The following RPN1 variants were observed in gnomAD, a reference collection of about 807,000 sequenced individuals.
RPN1 encodes the protein ribophorin I.
In RPN1, 12 loss-of-function variants were observed where a neutral mutation model predicts 55.5. That is an observed-to-expected ratio of 0.22 (90% CI 0.14 to 0.35). The LOEUF (loss-of-function observed/expected upper bound fraction) is 0.35. Ranked by LOEUF, RPN1 falls within the 10% of genes least tolerant of loss-of-function variation. RPN1 has a pLI of 1.00. For missense variants in RPN1, 679 were observed against 761.3 expected (o/e 0.89, Z 1.27); for synonymous variants, 317 against 305.9 (o/e 1.04, Z -0.38).
intron 1 of RPN1, among the ~76,000 whole-genome samples, chr3:128,648,916 G>A (rs2107723629): frequency 6.6e-6 from 1 of 152,280 alleles, no homozygotes; most frequent in East Asian, 1.9e-4. Context: ...GCATGTAAGG[G>A]GCTAAATAAC....
In RPN1 at chr3:128,622,617, G is replaced by A. The variant is rs116809459; in HGVS notation, c.1396-208C>T. On this transcript the variant is annotated intron_variant, in intron 8 of 9. Coordinates refer to ENST00000296255, the MANE Select transcript of RPN1 (RefSeq NM_002950.4). ...GGCCATAAAGATGAGCAGACCAGCC[G>A]GGCCTGGTGGCTCACGCCTGTAATC... Among the ~76,000 whole-genome samples the A allele has an allele frequency of 4.7e-3, 716 of 152,218 alleles. 7 individuals are homozygous for A. Among genetic ancestry groups the A allele is most frequent in the African/African-American group, 0.017 (692 of 41,550 alleles).
At chr3:128,638,419 T>C (rs1280093899) in intron 2 of RPN1, among the ~76,000 whole-genome samples, 1 of 152,234 alleles carries the variant, frequency 6.6e-6, no homozygotes, top group Non-Finnish European at 1.5e-5. Context: ...TGTTTTACAC[T>C]CTTGCTATTT....
Position 128,625,933 on chromosome 3 carries a change from G to C in RPN1, c.1216C>G (p.Arg406Gly). 1 of 1,613,876 alleles carries C rather than the reference G, an allele frequency of 6.2e-7. No individual in the cohort carries two copies. The highest frequency in any genetic ancestry group is 8.5e-7 in the Non-Finnish European group (1 of 1,179,858). The change falls in exon 7 of 10, where the codon CGC becomes GGC. Residue 406 changes from arginine to glycine, a missense_variant. Physicochemically the swap from Arg to Gly is moderately radical, Grantham distance 125 (BLOSUM62 -2). Around this residue, in one of 3 missense-constraint regions of RPN1, gnomAD observed 306 missense variants for 360.0 expected, o/e 0.85. Transcript: ENST00000296255. ...TTCTTGTAGGCAACAATCACAGGGC[G>C]GCCAAATGTGTCCAGATAGGTGTAG... is the stretch of plus-strand genomic sequence containing the variant. ...LHYTYLDTFGRPVIVAYKKNL... is the reference protein window; with the variant it reads ...LHYTYLDTFGGPVIVAYKKNL...
chr3:128,625,213 A>AC (rs1451101244), intron 8 of RPN1, among the ~76,000 whole-genome samples: 1 of 152,036 alleles, frequency 6.6e-6, no homozygotes, highest in Non-Finnish European at 1.5e-5. Flanking sequence ...CTAAGAGGGG[A>AC]CTTCCACCTC....
intron 3 of RPN1, 90 bp downstream of exon 3, chr3:128,637,709 C>T: frequency 1.5e-6 from 2 of 1,363,896 alleles, no homozygotes; most frequent in East Asian, 2.3e-5. Context: ...TTTCATCCAC[C>T]CCACACCACC....
chr3:128,626,113 C>G, intron 6 of RPN1, 101 bp from the exon 7 acceptor site: 1 of 1,183,336 alleles, frequency 8.5e-7, no homozygotes, highest in Admixed American at 2.3e-5. Context: ...TTCAAGATCA[C>G]TAAATTCACA....
intron 6 of RPN1, among the ~76,000 whole-genome samples, chr3:128,626,374 C>T (rs1156998998): frequency 1.3e-5 from 2 of 152,196 alleles, no homozygotes; most frequent in Non-Finnish European, 2.9e-5. Flanking sequence ...ACGAGCTGTT[C>T]TGAATGTTCT....
At chr3:128,630,663 G>A (rs906760674) in intron 4 of RPN1, among the ~76,000 whole-genome samples, 3 of 151,850 alleles carry the variant, frequency 2.0e-5, no homozygotes, top group Non-Finnish European at 4.4e-5. Context: ...TTCATTTATG[G>A]GACAAAAAAG....
At position 128,637,977 on chromosome 3, in the gene RPN1, T is replaced by C; in HGVS notation, c.455A>G (p.Gln152Arg). The change falls in exon 3 of 10, where the codon CAG becomes CGG. Residue 152 changes from glutamine to arginine, a missense_variant. This residue lies in a region of RPN1 where 352 missense variants were observed against 352.8 expected (regional missense o/e 1.00). Transcript: ENST00000296255. Reference sequence around the variant, plus strand: ...ATGGTTCCCCTCAAACACCACAAACTGTTTCTCTGACTGGGTGATCTGGGT... The same window carrying C: ...ATGGTTCCCCTCAAACACCACAAACCGTTTCTCTGACTGGGTGATCTGGGT... Reference protein sequence around the residue: ...YPTQITQSEKQFVVFEGNHYF... With the variant: ...YPTQITQSEKRFVVFEGNHYF... The C allele has an allele frequency of 6.2e-7, 1 of 1,614,192 alleles. No homozygotes were observed.
chr3:128,620,961 A>G (rs529269288), intron 9 of RPN1, among the ~76,000 whole-genome samples: 2 of 152,302 alleles, frequency 1.3e-5, no homozygotes, highest in African/African-American at 2.4e-5. Context: ...CAGCTTGTCA[A>G]ATCAGTTCCA....
chr3:128,620,224 AAAAAG>A lies in RPN1; in HGVS notation c.*182_*186del. ...AAGTTTTCTTTTTTTAAAAAAAAAA[AAAAAG>A]AAAGTTAAGGACAAACGGCAAACTC... On this transcript the variant is annotated 3_prime_UTR_variant, in exon 10 of 10. Transcript: ENST00000296255. 7.4e-6 allele frequency: 3 copies of A among 405,540 alleles called. No individual in the cohort carries two copies. The highest frequency in any genetic ancestry group is 1.3e-5 in the Non-Finnish European group (3 of 233,836). The allele number at this position is 405,540 out of a possible 1,614,324, so 25.1% of individuals were successfully genotyped here.
rs774175510 is a variant in RPN1 at position 128,625,680 on chromosome 3, A to G, written c.1276-27T>C. 4 of 1,613,498 alleles carry G rather than the reference A, an allele frequency of 2.5e-6. No homozygotes were observed. In the Admixed American group the frequency reaches 6.7e-5, roughly 27 times the overall value. ...TGGGAGAAGCAAGAGGACAGGCTTCATCGGGGCTGTAGGGACATGGGAGCC... is the reference window on the plus strand; with the variant it reads ...TGGGAGAAGCAAGAGGACAGGCTTCGTCGGGGCTGTAGGGACATGGGAGCC... On this transcript the variant is annotated intron_variant, in intron 7 of 9. Coordinates refer to ENST00000296255, the MANE Select transcript of RPN1 (RefSeq NM_002950.4).
chr3:128,624,646 G>A (rs1419079474), intron 8 of RPN1, among the ~76,000 whole-genome samples: 2 of 151,990 alleles, frequency 1.3e-5, no homozygotes, highest in African/African-American at 4.8e-5. Flanking sequence ...TTCTTTGCCT[G>A]TCACCTCCTC....
chr3:128,628,218 A>G (rs1215603028), intron 5 of RPN1, among the ~76,000 whole-genome samples: 1 of 151,404 alleles, frequency 6.6e-6, no homozygotes, highest in African/African-American at 2.4e-5. Context: ...GATCGCGCCA[A>G]TGCACTCCAG....
chr3:128,626,049 AACT>A, intron 6 of RPN1, 37 bp from the exon 7 acceptor site: 1 of 1,558,406 alleles, frequency 6.4e-7, no homozygotes, highest in Non-Finnish European at 8.7e-7. Context: ...GCCTCCAACC[AACT>A]ACATCAATAA....
At chr3:128,622,698 G>A (rs2069569349) in intron 8 of RPN1, among the ~76,000 whole-genome samples, 1 of 151,956 alleles carries the variant, frequency 6.6e-6, no homozygotes, top group Non-Finnish European at 1.5e-5. Context: ...TTCAAGACCA[G>A]CCTGACCAAT....
At chr3:128,646,558 G>T (rs1433901185) in intron 1 of RPN1, among the ~76,000 whole-genome samples, 1 of 151,860 alleles carries the variant, frequency 6.6e-6, no homozygotes, top group Non-Finnish European at 1.5e-5. Flanking sequence ...GTGGTGGCAG[G>T]TGCCTGTAAT....
intron 1 of RPN1, 80 bp downstream of exon 1, chr3:128,650,460 C>A: frequency 1.4e-6 from 2 of 1,385,264 alleles, no homozygotes; most frequent in Non-Finnish European, 9.6e-7. Flanking sequence ...CCTAGAGGGG[C>A]GCGGGCGGAG....
intron 9 of RPN1, 89 bp from the exon 10 acceptor site, chr3:128,620,682 A>AG: frequency 1.5e-6 from 2 of 1,349,700 alleles, no homozygotes; most frequent in Admixed American, 3.9e-5. Context: ...TACAGACCCC[A>AG]GAGCTCCACA....
Sources: allele counts gnomAD v4.1 joint callset (sites outside exome capture counted in the v4.1 genomes callset), GRCh38; gene constraint gnomAD v4.1.1; regional missense constraint gnomAD v4.1.1; transcripts MANE v1.5; gene names NCBI Gene and HGNC (gene_info 2026-07-23, HGNC 2026-07-21).